DGKQ: variants seen among roughly 807,000 people sequenced by gnomAD.
The protein encoded by DGKQ is DAG kinase theta.
In DGKQ, 97 loss-of-function variants were observed where a neutral mutation model predicts 104.2. The ratio of observed to expected loss-of-function variants is 0.93; its 90% confidence interval spans 0.79 to 1.10. The LOEUF is 1.10. Ranked by LOEUF, DGKQ falls within the 50% of genes least tolerant of loss-of-function variation. The pLI is 0.00. For synonymous variants in DGKQ, 736 were observed against 595.2 expected (o/e 1.24, Z -3.44); for missense variants, 1,465 against 1,352.1 (o/e 1.08, Z -1.31).
rs980141453 is a variant in DGKQ, at chr4:959,132, T to G, written c.*1488A>C. 2.0e-5 allele frequency: 3 copies of G among 152,394 alleles called. No individual in the cohort carries two copies. Among genetic ancestry groups the G allele is most frequent in the African/African-American group, 7.3e-5 (3 of 41,326 alleles). 9.4% of individuals were successfully genotyped at this position (152,394 alleles called of 1,614,324 possible). On this transcript the variant is annotated 3_prime_UTR_variant, in exon 23 of 23. Transcript: ENST00000273814. Reference sequence around the variant, plus strand: ...AAGATGACAATGACGTAAACAAGAGTGCACGCTGGAGGCCACAAGCGGCCT... The same window carrying G: ...AAGATGACAATGACGTAAACAAGAGGGCACGCTGGAGGCCACAAGCGGCCT...
At chr4:961,260 G>A in intron 21 of DGKQ, 59 bp from the exon 22 acceptor site, 1 of 1,377,290 alleles carries the variant, frequency 7.3e-7, no homozygotes, top group Non-Finnish European at 9.6e-7. Context: ...CCGCTGACCT[G>A]GCCCTGGGGC....
At position 973,267 on chromosome 4, in the gene DGKQ, G is replaced by A; in HGVS notation, c.216C>T (p.Thr72=). 1 of 1,548,202 alleles carries A rather than the reference G, an allele frequency of 6.5e-7. No individual in the cohort carries two copies. Among genetic ancestry groups the A allele is most frequent in the Non-Finnish European group, 8.7e-7 (1 of 1,150,486 alleles). The change falls in exon 1 of 23, where the codon ACC becomes ACT. Residue 72 remains threonine, a synonymous_variant. Transcript: ENST00000273814. ...TGAAGTCGGAGCAGAGGTGGCAGAAGGTGGGCTTGGTGAGCGTCACCTTCC... is the reference window on the plus strand; with the variant it reads ...TGAAGTCGGAGCAGAGGTGGCAGAAAGTGGGCTTGGTGAGCGTCACCTTCC... ...SFRKVTLTKP[T]FCHLCSDFIW...
At position 973,246 on chromosome 4, in the gene DGKQ, G is replaced by A; in HGVS notation, c.237C>T (p.Asp79=). Reference sequence around the variant, plus strand: ...GGAAGCCGGCCAGCCCCCAGATGAAGTCGGAGCAGAGGTGGCAGAAGGTGG... The same window carrying A: ...GGAAGCCGGCCAGCCCCCAGATGAAATCGGAGCAGAGGTGGCAGAAGGTGG... The part of the protein sequence containing the change: ...TKPTFCHLCS[D]FIWGLAGFLC... The change falls in exon 1 of 23, where the codon GAC becomes GAT. Residue 79 remains aspartate, a synonymous_variant. Transcript: ENST00000273814. 1 of 1,562,512 alleles carries A rather than the reference G, an allele frequency of 6.4e-7. No homozygotes were observed. Among genetic ancestry groups the A allele is most frequent in the East Asian group, 2.7e-5 (1 of 37,720 alleles).
At position 973,352 on chromosome 4, in the gene DGKQ, C is replaced by G; in HGVS notation, c.131G>C (p.Gly44Ala). 1 of 1,183,180 alleles carries G rather than the reference C, an allele frequency of 8.5e-7. No homozygotes were observed. The highest frequency in any genetic ancestry group is 3.7e-5 in the South Asian group (1 of 26,978). The allele number at this position is 1,183,180 out of a possible 1,614,324, so 73.3% of individuals were successfully genotyped here. ...RARPGPGPGP[G>A]PERAGVRAPG... is the part of the protein sequence containing the mutation. ...GGCTCTGACGCCCGCCCGCTCGGGT[C>G]CCGGCCCCGGCCCCGGCCCCGGGCG... The change falls in exon 1 of 23, where the codon GGA (glycine) becomes GCA (alanine). Residue 44 changes from glycine to alanine, a missense_variant. By Grantham distance (60) the Gly-to-Ala change is moderately conservative (BLOSUM62 0). Transcript: ENST00000273814.
At chr4:962,656 G>C in intron 17 of DGKQ, 43 bp from the exon 18 acceptor site, 4 of 1,592,888 alleles carry the variant, frequency 2.5e-6, no homozygotes, top group African/African-American at 2.7e-5. Flanking sequence ...ACACCCACCC[G>C]CCCATCAGCT....
Position 968,782 on chromosome 4 carries a change from G to A in DGKQ, c.451+29C>T, listed in dbSNP as rs373940148. On this transcript the variant is annotated intron_variant, in intron 3 of 22. Coordinates refer to ENST00000273814, the MANE Select transcript of DGKQ (RefSeq NM_001347.4). ...CCTGGGCAGCAGAGACCAGGACACT[G>A]GGTGGGGAGCCAGGCAGGCTCCAGG... 1.3e-5 allele frequency: 21 copies of A among 1,582,564 alleles called. No homozygotes were observed. The African/African-American group carries it at 2.3e-4, about 17-fold the overall frequency.
At position 971,984 on chromosome 4, in the gene DGKQ, T is replaced by G. The variant is rs2153011643; in HGVS notation, c.272-912A>C. On this transcript the variant is annotated intron_variant, in intron 1 of 22. Coordinates refer to ENST00000273814, the MANE Select transcript of DGKQ (RefSeq NM_001347.4). This position sits in a 1 kb window ranked among gnomAD's most constrained non-coding sequence, Gnocchi z 4.0. Reference sequence around the variant, plus strand: ...TCTCCTGGCAGCTTAAGAGAAAAGCTCTGGAAGCAGGCCAGGGTCCACCGA... The same window carrying G: ...TCTCCTGGCAGCTTAAGAGAAAAGCGCTGGAAGCAGGCCAGGGTCCACCGA... 2.0e-5 allele frequency among the ~76,000 whole-genome samples: 3 copies of G among 151,824 alleles called. No individual in the cohort carries two copies. In the South Asian group the frequency reaches 6.3e-4, roughly 32 times the overall value.
In DGKQ at chr4:971,907, C is replaced by T. The variant is rs1342444826; in HGVS notation, c.272-835G>A. On this transcript the variant is annotated intron_variant, in intron 1 of 22. Transcript: ENST00000273814. This position sits in a 1 kb window ranked among gnomAD's most constrained non-coding sequence, Gnocchi z 4.0. ...AGAAGGCCCCGCTGGTGCCGCCCTT[C>T]ACCTGCTGCAGCCCTAGCCACCCCA... 1.3e-5 allele frequency among the ~76,000 whole-genome samples: 2 copies of T among 152,134 alleles called. No individual in the cohort carries two copies. Among genetic ancestry groups the T allele is most frequent in the African/African-American group, 4.8e-5 (2 of 41,428 alleles).
At chr4:964,272 C>T (rs980907224) in intron 15 of DGKQ, among the ~76,000 whole-genome samples, 2 of 152,176 alleles carry the variant, frequency 1.3e-5, no homozygotes, top group African/African-American at 2.4e-5. Flanking sequence ...AGGCATCTCC[C>T]GTCCCAGCCA....
Position 966,146 on chromosome 4 carries a change from C to T in DGKQ, c.1429-68G>A, listed in dbSNP as rs1018878848. On this transcript the variant is annotated intron_variant, in intron 12 of 22. Coordinates refer to ENST00000273814, the MANE Select transcript of DGKQ (RefSeq NM_001347.4). Reference sequence around the variant, plus strand: ...ACCACCGCACCAGGCCCTCTGTCTCCTCACCCGCAAAACAGCAAAACAGGG... The same window carrying T: ...ACCACCGCACCAGGCCCTCTGTCTCTTCACCCGCAAAACAGCAAAACAGGG... The T allele has an allele frequency of 4.7e-6, 7 of 1,483,470 alleles. No homozygotes were observed. The African/African-American group carries it at 6.9e-5, about 15-fold the overall frequency. 91.9% of individuals were successfully genotyped at this position (1,483,470 alleles called of 1,614,324 possible). A position where few individuals can be genotyped will look rare whatever the true frequency, so the allele number is the denominator to read the frequency against.
At position 961,168 on chromosome 4, in the gene DGKQ, G is replaced by C; in HGVS notation, c.2608C>G (p.Arg870Gly). 1.3e-6 allele frequency: 2 copies of C among 1,592,560 alleles called. No homozygotes were observed. The highest frequency in any genetic ancestry group is 1.3e-5 in the African/African-American group (1 of 74,364). Residue 870 changes from arginine (R) to glycine (G), a missense_variant, in exon 22 of 23, where the codon CGG (arginine) becomes GGG (glycine). Transcript: ENST00000273814. ...QVQGGLRSGI[R>G]IAQGSYFRVT... ...CGGAAGTAGGAACCCTGGGCAATCC[G>C]GATTCCGGAGCGCAGCCCACCCTGG... is the stretch of plus-strand genomic sequence containing the variant.
Position 967,947 on chromosome 4 carries a change from G to A in DGKQ, c.744C>T (p.Cys248=), listed in dbSNP as rs1181837066. The A allele has an allele frequency of 1.8e-5, 26 of 1,482,148 alleles. No homozygotes were observed. The highest frequency in any genetic ancestry group is 2.6e-5 in the East Asian group (1 of 37,924). 91.8% of individuals were successfully genotyped at this position (1,482,148 alleles called of 1,614,324 possible). The change falls in exon 6 of 23, where the codon TGC becomes TGT. Residue 248 remains cysteine (C), a synonymous_variant. Transcript: ENST00000273814. ...RLRSLVLPPA[C]VRLLPGGFSK... ...TGAAGCCGCCGGGCAGAAGGCGCAC[G>A]CACGCGGGAGGCAGGACCAGGGAGC...
Position 967,117 on chromosome 4 carries a change from G to C in DGKQ, c.1220+12C>G, listed in dbSNP as rs748075706. On this transcript the variant is annotated intron_variant, in intron 9 of 22. Coordinates refer to ENST00000273814, the MANE Select transcript of DGKQ (RefSeq NM_001347.4). Reference sequence around the variant, plus strand: ...CCGCCCAGCAGACCCTGAGCCTCGGGCCCAGTCTCACTTGAGCCAGCCAGG... The same window carrying C: ...CCGCCCAGCAGACCCTGAGCCTCGGCCCCAGTCTCACTTGAGCCAGCCAGG... The C allele has an allele frequency of 1.3e-6, 2 of 1,569,074 alleles. No individual in the cohort carries two copies. Among genetic ancestry groups the C allele is most frequent in the East Asian group, 4.7e-5 (2 of 42,732 alleles).
rs1441025096 is a variant in DGKQ, at chr4:959,906, C to G, written c.*714G>C. On this transcript the variant is annotated 3_prime_UTR_variant, in exon 23 of 23. Transcript: ENST00000273814. ...CCTCCACGTGGACAGAGGTTCTCCT[C>G]CCCAAGCAGAGGCACTAGGAAAGGG... 2 of 152,206 alleles carry G rather than the reference C, an allele frequency of 1.3e-5. No individual in the cohort carries two copies. Among genetic ancestry groups the G allele is most frequent in the African/African-American group, 4.8e-5 (2 of 41,420 alleles). The allele number at this position is 152,206 out of a possible 1,614,324, so 9.4% of individuals were successfully genotyped here. A position where few individuals can be genotyped will look rare whatever the true frequency, so the allele number is the denominator to read the frequency against.
chr4:961,266 G>A lies in DGKQ; in HGVS notation c.2575-65C>T, dbSNP rs1303068422. On this transcript the variant is annotated intron_variant, in intron 21 of 22. Transcript: ENST00000273814. ...GGACGCCCACCGCTGACCTGGCCCT[G>A]GGGCGGGAGAGGCCAGCCGAGCAGG... 11 of 1,366,774 alleles carry A rather than the reference G, an allele frequency of 8.0e-6. 1 individual carries two copies. The highest frequency in any genetic ancestry group is 1.5e-5 in the South Asian group (1 of 67,734). The allele number at this position is 1,366,774 out of a possible 1,614,324, so 84.7% of individuals were successfully genotyped here.
In DGKQ at chr4:967,232, C is replaced by T. The variant is rs749185097; in HGVS notation, c.1117G>A (p.Glu373Lys). 1.9e-6 allele frequency: 3 copies of T among 1,573,840 alleles called. No individual in the cohort carries two copies. The highest frequency in any genetic ancestry group is 1.2e-5 in the South Asian group (1 of 86,312). ...GKAGSAVISE[E>K]GRSPGSGEAT... ...TCGCCGGACCCGGGGCTTCTGCCCTCCTCCGAGATCACAGCACTCCCAGCC... is the reference window on the plus strand; with the variant it reads ...TCGCCGGACCCGGGGCTTCTGCCCTTCTCCGAGATCACAGCACTCCCAGCC... The change falls in exon 9 of 23, where the codon GAG becomes AAG. Residue 373 changes from glutamate (E) to lysine (K), a missense_variant. Transcript: ENST00000273814.
chr4:966,499 C>T lies in DGKQ; in HGVS notation c.1395G>A (p.Gln465=), dbSNP rs1270853558. ...HVQRTMLMDE[Q]PLLDRLQDIR... ...TGTCCTGTAGCCGGTCCAGCAGGGG[C>T]TGTTCGTCCATCAGCATCGTCCGCT... Residue 465 remains glutamine (Q), a synonymous_variant, in exon 12 of 23, where the codon CAG becomes CAA. Transcript: ENST00000273814. 6.2e-7 allele frequency: 1 copy of T among 1,612,614 alleles called. No homozygotes were observed. Among genetic ancestry groups the T allele is most frequent in the Admixed American group, 1.7e-5 (1 of 60,010 alleles).
At position 961,786 on chromosome 4, in the gene DGKQ, A is replaced by ACTGATCTT; in HGVS notation, c.2356_2363dup (p.Ser788ArgfsTer68). 2.5e-6 allele frequency: 4 copies of ACTGATCTT among 1,610,880 alleles called. No homozygotes were observed. Among genetic ancestry groups the ACTGATCTT allele is most frequent in the Non-Finnish European group, 3.4e-6 (4 of 1,179,070 alleles). On this transcript the variant is annotated frameshift_variant, in exon 20 of 23. Coordinates refer to ENST00000273814, the MANE Select transcript of DGKQ (RefSeq NM_001347.4). LOFTEE classifies it high-confidence loss of function. ...TCTGCTTGTGCAGGCTCCGAGAGTG[A>ACTGATCTT]CTGATCTTCTGCAGCCCCACCCGCA...
chr4:961,894 T>C lies in DGKQ; in HGVS notation c.2316-60A>G. The C allele has an allele frequency of 2.5e-6, 4 of 1,602,002 alleles. No homozygotes were observed. The South Asian group carries it at 4.5e-5, about 18-fold the overall frequency. On this transcript the variant is annotated intron_variant, in intron 19 of 22. Coordinates refer to ENST00000273814, the MANE Select transcript of DGKQ (RefSeq NM_001347.4). ...AAGCCCTACCCCGCCTTAGGCAGCC[T>C]CCGGGTTCCGGCCCCTCTGCCTGTT...
Sources: allele counts gnomAD v4.1 joint callset (sites outside exome capture counted in the v4.1 genomes callset), GRCh38; gene constraint gnomAD v4.1.1; non-coding constraint Gnocchi (gnomAD v3.1); transcripts MANE v1.5; gene names NCBI Gene and HGNC (gene_info 2026-07-23, HGNC 2026-07-21).